PCDHGB3: variants seen among roughly 807,000 people sequenced by gnomAD.
PCDHGB3 encodes the protein protocadherin gamma subfamily B, 3.
A neutral mutation model predicts 59.2 loss-of-function variants in PCDHGB3; 40 were observed. That is an observed-to-expected ratio of 0.68 (90% confidence interval 0.52 to 0.88). The LOEUF is 0.88. Among genes scored for constraint, PCDHGB3 ranks in the 40% least tolerant of loss-of-function variants. The probability of loss-of-function intolerance (pLI) is 0.00; values close to 1 mark genes in which losing one functional copy is unlikely to be tolerated. For synonymous variants in PCDHGB3, 581 were observed against 503.6 expected (o/e 1.15, Z -2.06); for missense variants, 1,309 against 1,187.9 (o/e 1.10, Z -1.50).
At position 141,487,769 on chromosome 5, in the gene PCDHGB3, T is replaced by C. The variant is rs775270506; in HGVS notation, c.2416-7038T>C. Reference sequence around the variant, plus strand: ...TAACTATGTGGTAGACGCTGTGCTTTGTAACTGTTTCGTGAATTAACCAGA... The same window carrying C: ...TAACTATGTGGTAGACGCTGTGCTTCGTAACTGTTTCGTGAATTAACCAGA... On this transcript the variant is annotated intron_variant, in intron 1 of 3. Transcript: ENST00000576222. The surrounding 1 kb of genome is among the most constrained non-coding windows in gnomAD (Gnocchi z 5.0). 8 of 1,538,288 alleles carry C rather than the reference T, an allele frequency of 5.2e-6. No homozygotes were observed. The highest frequency in any genetic ancestry group is 1.2e-5 in the South Asian group (1 of 82,608).
intron 1 of PCDHGB3, among the ~76,000 whole-genome samples, chr5:141,387,359 C>A (rs2150333777): frequency 6.6e-6 from 1 of 152,208 alleles, no homozygotes; most frequent in East Asian, 1.9e-4. Flanking sequence ...TAGGCCAAGT[C>A]TGTGTTATGG....
In PCDHGB3 at chr5:141,420,077, C is replaced by T. The variant is rs760626443; in HGVS notation, c.2415+47268C>T. The T allele has an allele frequency of 2.9e-5, 47 of 1,613,782 alleles. No homozygotes were observed. Among genetic ancestry groups the T allele is most frequent in the Admixed American group, 1.0e-4 (6 of 60,004 alleles). The stretch of plus-strand genomic sequence containing the variant: ...CTGCTCCAAGTCCGGACCTGTGGGT[C>T]CCCCCAACTACAGTGAGGGAACGTT... On this transcript the variant is annotated intron_variant, in intron 1 of 3. Coordinates refer to ENST00000576222, the MANE Select transcript of PCDHGB3 (RefSeq NM_018924.5).
At position 141,432,759 on chromosome 5, in the gene PCDHGB3, G is replaced by T. The variant is rs768949018; in HGVS notation, c.2415+59950G>T. On this transcript the variant is annotated intron_variant, in intron 1 of 3. Transcript: ENST00000576222. The surrounding 1 kb of genome is among the most constrained non-coding windows in gnomAD (Gnocchi z 6.0). ...ACGCTCACCGTGGCCGTGGCCGACA[G>T]CATCCCCCAAGTCCTGGCGGACCTC... is the stretch of plus-strand genomic sequence containing the variant. The T allele has an allele frequency of 6.2e-6, 10 of 1,614,032 alleles. No homozygotes were observed. The highest frequency in any genetic ancestry group is 7.6e-6 in the Non-Finnish European group (9 of 1,180,014).
intron 1 of PCDHGB3, chr5:141,393,798 G>C (rs1228076034): frequency 1.2e-6 from 2 of 1,613,876 alleles, no homozygotes; most frequent in Non-Finnish European, 1.7e-6. Flanking sequence ...GGCACTTCTG[G>C]GGAGGACCAA....
Position 141,485,369 on chromosome 5 carries a change from G to T in PCDHGB3, c.2416-9438G>T. On this transcript the variant is annotated intron_variant, in intron 1 of 3. Transcript: ENST00000576222. This position sits in a 1 kb window ranked among gnomAD's most constrained non-coding sequence, Gnocchi z 5.7. ...CAGTCTGTCAGCTCGCAGGCTGCAG[G>T]TCGCTGGAGAGGTGAACCAAAGACA... 1 of 1,614,154 alleles carries T rather than the reference G, an allele frequency of 6.2e-7. No individual in the cohort carries two copies. The highest frequency in any genetic ancestry group is 1.1e-5 in the South Asian group (1 of 91,088).
chr5:141,430,380 T>TG (rs1376875091), intron 1 of PCDHGB3, among the ~76,000 whole-genome samples: 2 of 147,890 alleles, frequency 1.4e-5, no homozygotes, highest in African/African-American at 5.0e-5. Context: ...AAAAGCTCAT[T>TG]GGGAAAAAAA....
chr5:141,404,849 C>G, intron 1 of PCDHGB3: 1 of 1,613,862 alleles, frequency 6.2e-7, no homozygotes, highest in Non-Finnish European at 8.5e-7. Context: ...TCGGGCCCTG[C>G]TAGATAGAGA....
chr5:141,499,725 C>T (rs554409998), intron 2 of PCDHGB3, among the ~76,000 whole-genome samples: 3 of 138,474 alleles, frequency 2.2e-5, no homozygotes, highest in African/African-American at 5.4e-5. Context: ...GACAGAGTCT[C>T]ACTCTCTTGC....
chr5:141,463,990 G>C (rs2099073582), intron 1 of PCDHGB3, among the ~76,000 whole-genome samples: 1 of 151,990 alleles, frequency 6.6e-6, no homozygotes, highest in Admixed American at 6.6e-5. Context: ...TAAAAACCAG[G>C]TGCAGTGGCT....
At chr5:141,480,167 G>C (rs752444894) in intron 1 of PCDHGB3, among the ~76,000 whole-genome samples, 3 of 151,964 alleles carry the variant, frequency 2.0e-5, no homozygotes, top group Non-Finnish European at 2.9e-5. Flanking sequence ...ATTTTGGGAG[G>C]CTGAGGCAGG....
In PCDHGB3 at chr5:141,422,884, G is replaced by C. The variant is rs202035589; in HGVS notation, c.2415+50075G>C. On this transcript the variant is annotated intron_variant, in intron 1 of 3. Transcript: ENST00000576222. ...CAGCAACGTGTCGCTGAGCCTGTTC[G>C]TGCTGGACCAGAACGACAATGCGCC... The C allele has an allele frequency of 1.7e-4, 278 of 1,614,240 alleles. No homozygotes were observed. The African/African-American group carries it at 2.0e-3, about 12-fold the overall frequency.
intron 1 of PCDHGB3, chr5:141,427,176 G>A (rs777424789): frequency 2.2e-6 from 1 of 456,742 alleles, no homozygotes; most frequent in Non-Finnish European, 4.4e-6. Context: ...TCAAAATGGG[G>A]AAATTAAATC....
At chr5:141,423,982 T>C in intron 1 of PCDHGB3, 3 of 1,106,134 alleles carry the variant, frequency 2.7e-6, no homozygotes, top group Non-Finnish European at 3.4e-6. Flanking sequence ...TGTATGAGGC[T>C]CTCAATTTAT....
chr5:141,461,902 C>A (rs1477274695), intron 1 of PCDHGB3, among the ~76,000 whole-genome samples: 1 of 152,116 alleles, frequency 6.6e-6, no homozygotes, highest in African/African-American at 2.4e-5. Flanking sequence ...CGGCTCACTG[C>A]AACCTCTGCC....
intron 1 of PCDHGB3, among the ~76,000 whole-genome samples, chr5:141,439,050 A>G (rs1353548752): frequency 1.3e-5 from 2 of 151,164 alleles, no homozygotes; most frequent in Non-Finnish European, 2.9e-5. Flanking sequence ...TAAGATTTCC[A>G]TATTGTGTGG....
At chr5:141,415,252 C>T (rs895920596) in intron 1 of PCDHGB3, 5 of 1,614,098 alleles carry the variant, frequency 3.1e-6, no homozygotes, top group Non-Finnish European at 4.2e-6. Context: ...AACCTCAGAC[C>T]TCACTCTGTA....
chr5:141,380,114 G>T (rs1776224365), intron 1 of PCDHGB3, among the ~76,000 whole-genome samples: 1 of 151,828 alleles, frequency 6.6e-6, no homozygotes, highest in Non-Finnish European at 1.5e-5. Context: ...TGGCCAGGCT[G>T]GTCTCAAACT....
chr5:141,372,626 C>A lies in PCDHGB3; in HGVS notation c.2232C>A (p.Ser744Arg), dbSNP rs1385028650. Reference sequence around the variant, plus strand: ...TACCTGGAGTTCTCCCCACCTACAGCGAAAGGACTTTGCCTTATTCCTACA... The same window carrying A: ...TACCTGGAGTTCTCCCCACCTACAGAGAAAGGACTTTGCCTTATTCCTACA... ...KTVPGVLPTY[S>R]ERTLPYSYNP... The change falls in exon 1 of 4, where the codon AGC becomes AGA. Residue 744 changes from serine to arginine, a missense_variant. Coordinates refer to ENST00000576222, the MANE Select transcript of PCDHGB3 (RefSeq NM_018924.5). 5 of 1,613,792 alleles carry A rather than the reference C, an allele frequency of 3.1e-6. No individual in the cohort carries two copies. The African/African-American group carries it at 6.7e-5, about 22-fold the overall frequency.
At chr5:141,462,036 G>T (rs760555655) in intron 1 of PCDHGB3, among the ~76,000 whole-genome samples, 6 of 151,978 alleles carry the variant, frequency 3.9e-5, no homozygotes, top group Non-Finnish European at 8.8e-5. Flanking sequence ...TTGGTCAGGC[G>T]GGTCTTGAAC....
Sources: allele counts gnomAD v4.1 joint callset (sites outside exome capture counted in the v4.1 genomes callset), GRCh38; gene constraint gnomAD v4.1.1; non-coding constraint Gnocchi (gnomAD v3.1); transcripts MANE v1.5; gene names NCBI Gene and HGNC (gene_info 2026-07-23, HGNC 2026-07-21).